Variants in DOCK1 observed in about 807,000 individuals in gnomAD.
DOCK1 encodes dedicator of cytokinesis protein 1.
In DOCK1, 138 loss-of-function variants were observed where a neutral mutation model predicts 262.7. That is an observed-to-expected ratio of 0.53 (90% confidence interval 0.46 to 0.61). The LOEUF is 0.61. Ranked by LOEUF, DOCK1 falls within the 20% of genes least tolerant of loss-of-function variation. The probability of loss-of-function intolerance (pLI) is 0.00; values close to 1 mark genes in which losing one functional copy is unlikely to be tolerated. For missense variants in DOCK1, 1,908 were observed against 2,370.7 expected, an observed-to-expected ratio of 0.80 and a Z score of 4.05; for synonymous variants, 866 against 867.4, an observed-to-expected ratio of 1.00 and a Z score of 0.03.
At chr10:127,411,810 A>T (rs2067866267) in intron 43 of DOCK1, among the ~76,000 whole-genome samples, 1 of 152,190 alleles carries the variant, frequency 6.6e-6, no homozygotes. Context: ...ATTGCACTCC[A>T]GCCTGGGGAA....
chr10:127,172,942 A>C (rs1056102418), intron 27 of DOCK1, among the ~76,000 whole-genome samples: 5 of 152,284 alleles, frequency 3.3e-5, no homozygotes, highest in Admixed American at 6.5e-5. Context: ...GTGACTGTGA[A>C]GTTTCAATTG....
chr10:127,017,081 GAT>G (rs1565069483), intron 12 of DOCK1, among the ~76,000 whole-genome samples: 20 of 68,978 alleles, frequency 2.9e-4, no homozygotes, highest in African/African-American at 5.5e-4. Flanking sequence ...CATAAACACA[GAT>G]ACACCACAAA....
chr10:127,062,029 C>T (rs987942014), intron 23 of DOCK1, among the ~76,000 whole-genome samples: 29 of 149,582 alleles, frequency 1.9e-4, no homozygotes, highest in African/African-American at 7.2e-4. Context: ...CTCTGCCTCC[C>T]GGCTTGAAGC....
rs111994104 is a variant in DOCK1, at chr10:127,236,603, T to C, written c.2848-11405T>C. Among the ~76,000 whole-genome samples, 8 of 150,346 alleles carry C rather than the reference T, an allele frequency of 5.3e-5. 1 individual carries two copies. Among genetic ancestry groups the C allele is most frequent in the African/African-American group, 2.0e-4 (8 of 40,792 alleles). On this transcript the variant is annotated intron_variant, in intron 27 of 51. Transcript: ENST00000623213. ...CCTTTCCAGTACCACACTGTCTTGA[T>C]ATCTGTAGTTTTATAATAAGTCTTA...
chr10:127,244,365 A>G (rs2059363135), intron 27 of DOCK1, among the ~76,000 whole-genome samples: 1 of 152,228 alleles, frequency 6.6e-6, no homozygotes, highest in South Asian at 2.1e-4. Flanking sequence ...ATCTTTGGGT[A>G]TGAAATTTTC....
intron 16 of DOCK1, among the ~76,000 whole-genome samples, chr10:127,030,305 C>G (rs16906473): frequency 0.11 from 16,208 of 152,236 alleles, 1,061 homozygotes; most frequent in East Asian, 0.25. Context: ...TGAGGAATTT[C>G]TGGCAGATCC....
chr10:127,016,910 G>T (rs575385014), intron 12 of DOCK1, among the ~76,000 whole-genome samples: 168 of 89,926 alleles, frequency 1.9e-3, no homozygotes, highest in African/African-American at 7.6e-3. Context: ...CACAAACACA[G>T]ATACACCACA....
intron 1 of DOCK1, among the ~76,000 whole-genome samples, chr10:126,965,264 G>A (rs997156586): frequency 6.6e-6 from 1 of 152,178 alleles, no homozygotes; most frequent in East Asian, 1.9e-4. Context: ...GACAAGTGGG[G>A]CAGTCGGAGG....
chr10:127,280,125 C>T (rs1357915658), intron 29 of DOCK1, among the ~76,000 whole-genome samples: 3 of 149,778 alleles, frequency 2.0e-5, no homozygotes, highest in Non-Finnish European at 3.0e-5. Flanking sequence ...AGCTCCGCCT[C>T]CCGGGTTCAC....
intron 29 of DOCK1, among the ~76,000 whole-genome samples, chr10:127,294,847 G>A (rs961356055): frequency 6.6e-6 from 1 of 151,804 alleles, no homozygotes; most frequent in Non-Finnish European, 1.5e-5. Context: ...TCGCCACATT[G>A]GCCAGGCTGG....
chr10:127,084,169 G>C (rs926819797), intron 23 of DOCK1, among the ~76,000 whole-genome samples: 1 of 152,068 alleles, frequency 6.6e-6, no homozygotes, highest in African/African-American at 2.4e-5. Flanking sequence ...GTTAATTCTT[G>C]GTTGGTGAGT....
At chr10:127,340,419 A>G (rs2063379429) in intron 30 of DOCK1, among the ~76,000 whole-genome samples, 1 of 152,042 alleles carries the variant, frequency 6.6e-6, no homozygotes, top group South Asian at 2.1e-4. Context: ...CTTTAACATG[A>G]ACTGGATCAT....
chr10:127,425,723 G>T, intron 46 of DOCK1, 151 bp from the exon 47 acceptor site: 1 of 1,196,584 alleles, frequency 8.4e-7, no homozygotes, highest in Non-Finnish European at 1.2e-6. Context: ...TTGGTCTTTG[G>T]TGGTAATATG....
At chr10:127,125,905 C>T (rs1301195117) in intron 26 of DOCK1, among the ~76,000 whole-genome samples, 1 of 151,898 alleles carries the variant, frequency 6.6e-6, no homozygotes, top group African/African-American at 2.4e-5. Context: ...TTAAAGTTGG[C>T]TAATTATCTG....
At chr10:127,248,164 G>A in intron 28 of DOCK1, 55 bp downstream of exon 28, 2 of 1,444,298 alleles carry the variant, frequency 1.4e-6, no homozygotes, top group South Asian at 1.2e-5. Context: ...CAGCACTTTA[G>A]ACAAAAGCCT....
At chr10:127,398,194 A>G (rs1465642700) in intron 38 of DOCK1, among the ~76,000 whole-genome samples, 1 of 152,196 alleles carries the variant, frequency 6.6e-6, no homozygotes, top group African/African-American at 2.4e-5. Flanking sequence ...CTTTGCAAAA[A>G]GTCAATCCTG....
intron 27 of DOCK1, among the ~76,000 whole-genome samples, chr10:127,215,345 G>C (rs1216008717): frequency 1.3e-5 from 2 of 152,160 alleles, no homozygotes; most frequent in Non-Finnish European, 2.9e-5. Flanking sequence ...CACTAGGGAA[G>C]ACCCAGCCAC....
chr10:127,009,267 C>T (rs1056813324), intron 11 of DOCK1, among the ~76,000 whole-genome samples: 9 of 152,236 alleles, frequency 5.9e-5, no homozygotes, highest in Non-Finnish European at 1.2e-4. Context: ...TTTTGTGTCT[C>T]GGTTTTTGCT....
At chr10:126,977,914 T>C in intron 2 of DOCK1, 34 bp from the exon 3 acceptor site, 2 of 1,611,952 alleles carry the variant, frequency 1.2e-6, no homozygotes, top group Non-Finnish European at 1.7e-6. Context: ...ACATGTCTCT[T>C]TGTACTAACT....
Sources: gnomAD v4.1 joint callset for allele counts (sites outside exome capture counted in the v4.1 genomes callset) on GRCh38, gnomAD v4.1.1 for gene constraint, MANE v1.5 for transcripts, NCBI Gene and HGNC (gene_info 2026-07-23, HGNC 2026-07-21) for gene names.